CCM2: variants seen among roughly 807,000 people sequenced by gnomAD.
The protein encoded by CCM2 is cerebral cavernous malformations 2 protein.
Under a neutral mutation model 44.9 loss-of-function variants are expected in CCM2, and 25 were observed. The ratio of observed to expected loss-of-function variants is 0.56; its 90% CI spans 0.41 to 0.78. CCM2 has a LOEUF of 0.78. Ranked by LOEUF, CCM2 falls within the 30% of genes least tolerant of loss-of-function variation. CCM2 has a pLI of 0.00. For synonymous variants in CCM2, 219 were observed against 241.1 expected (o/e 0.91, Z 0.85); for missense variants, 481 against 580.6 (o/e 0.83, Z 1.76).
At chr7:45,036,104 G>A (rs1797205466) in intron 1 of CCM2, among the ~76,000 whole-genome samples, 1 of 152,140 alleles carries the variant, frequency 6.6e-6, no homozygotes, top group African/African-American at 2.4e-5. Flanking sequence ...CCTAGGACCT[G>A]AGGAACATCT....
chr7:45,051,557 C>T (rs1018029090), intron 2 of CCM2, among the ~76,000 whole-genome samples: 1 of 147,428 alleles, frequency 6.8e-6, no homozygotes, highest in African/African-American at 2.5e-5. Flanking sequence ...GTCACCACGC[C>T]TGGCTAATTT....
intron 1 of CCM2, among the ~76,000 whole-genome samples, chr7:45,021,769 A>G (rs997648147): frequency 1.1e-4 from 17 of 151,336 alleles, no homozygotes; most frequent in Non-Finnish European, 2.4e-4. Context: ...AGGGGAAGGG[A>G]TGAGAGAGGG....
Position 45,023,899 on chromosome 7 carries a change from C to T in CCM2, c.31-14354C>T, listed in dbSNP as rs573192975. ...AATCTTGGCTCACTGCAACCTCTGC[C>T]TCCCAGGTTCAAGTGATCCTCCTGC... On this transcript the variant is annotated intron_variant, in intron 1 of 9. Transcript: ENST00000258781. Among the ~76,000 whole-genome samples, 748 of 149,954 alleles carry T rather than the reference C, an allele frequency of 5.0e-3. 3 individuals carry two copies. Among genetic ancestry groups the T allele is most frequent in the Non-Finnish European group, 8.4e-3 (570 of 67,666 alleles).
At chr7:45,061,117 A>T in intron 2 of CCM2, among the ~76,000 whole-genome samples, 1 of 152,124 alleles carries the variant, frequency 6.6e-6, no homozygotes, top group East Asian at 1.9e-4. Context: ...TTCCTTCTTA[A>T]ATAGAGTCTG....
intron 6 of CCM2, chr7:45,071,984 A>G: frequency 2.6e-6 from 1 of 387,776 alleles, no homozygotes; most frequent in Non-Finnish European, 5.2e-6. Context: ...CTCCATACTT[A>G]CCTTGTTCCT....
intron 6 of CCM2, chr7:45,072,361 A>G: frequency 5.1e-6 from 2 of 393,678 alleles, no homozygotes; most frequent in South Asian, 4.4e-5. Context: ...AAGTGAAGAC[A>G]GGGGTGATAT....
intron 2 of CCM2, among the ~76,000 whole-genome samples, chr7:45,058,151 A>G (rs1798350859): frequency 6.6e-6 from 1 of 152,226 alleles, no homozygotes; most frequent in South Asian, 2.1e-4. Flanking sequence ...GTCAGCAAAG[A>G]CAGTTTCCCA....
chr7:45,076,318 A>G lies in CCM2; in HGVS notation c.*261A>G. ...CCCTGCAGTGTGTCCCCGCTCGGGGAGGGCCCGGCCGAGCGGGCAGGGAGA... is the reference window on the plus strand; with the variant it reads ...CCCTGCAGTGTGTCCCCGCTCGGGGGGGGCCCGGCCGAGCGGGCAGGGAGA... On this transcript the variant is annotated 3_prime_UTR_variant, in exon 10 of 10. Coordinates refer to ENST00000258781, the MANE Select transcript of CCM2 (RefSeq NM_031443.4). 2 of 654,374 alleles carry G rather than the reference A, an allele frequency of 3.1e-6. No homozygotes were observed. Among genetic ancestry groups the G allele is most frequent in the Non-Finnish European group, 5.6e-6 (2 of 356,402 alleles). 40.5% of individuals were successfully genotyped at this position (654,374 alleles called of 1,614,324 possible).
At chr7:45,047,157 C>T (rs1797796773) in intron 2 of CCM2, among the ~76,000 whole-genome samples, 1 of 152,206 alleles carries the variant, frequency 6.6e-6, no homozygotes, top group Non-Finnish European at 1.5e-5. Context: ...AGCAGTCTGG[C>T]AGTTTCTTCA....
At chr7:45,069,671 C>T (rs1241071309) in intron 5 of CCM2, among the ~76,000 whole-genome samples, 155 bp from the exon 6 acceptor site, 1 of 152,244 alleles carries the variant, frequency 6.6e-6, no homozygotes, top group Non-Finnish European at 1.5e-5. Context: ...TTTTGACACC[C>T]CTTTGGGTCA....
chr7:45,011,203 T>A (rs1233612131), intron 1 of CCM2, among the ~76,000 whole-genome samples: 1 of 151,890 alleles, frequency 6.6e-6, no homozygotes, highest in African/African-American at 2.4e-5. Context: ...AGCTAAATTT[T>A]TTTTTTTTTT....
intron 2 of CCM2, among the ~76,000 whole-genome samples, chr7:45,061,704 C>T (rs889073123): frequency 6.6e-6 from 1 of 152,130 alleles, no homozygotes; most frequent in Non-Finnish European, 1.5e-5. Context: ...AGGCTGGTCT[C>T]AAACTCCTGG....
rs116562543 is a variant in CCM2 at position 45,052,732 on chromosome 7, A to T, written c.205-11186A>T. ...TCATCTACCACAATTTATCCACCATAATTTCTATAGGAGCCAGACTGGGCA... is the reference window on the plus strand; with the variant it reads ...TCATCTACCACAATTTATCCACCATTATTTCTATAGGAGCCAGACTGGGCA... On this transcript the variant is annotated intron_variant, in intron 2 of 9. Coordinates refer to ENST00000258781, the MANE Select transcript of CCM2 (RefSeq NM_031443.4). Among the ~76,000 whole-genome samples the T allele has an allele frequency of 2.9e-3, 439 of 152,222 alleles. 4 individuals carry two copies. The highest frequency in any genetic ancestry group is 0.01 in the African/African-American group (427 of 41,518).
chr7:45,005,613 A>G (rs1334536594), intron 1 of CCM2, among the ~76,000 whole-genome samples: 2 of 152,256 alleles, frequency 1.3e-5, no homozygotes, highest in Non-Finnish European at 2.9e-5. Flanking sequence ...GAGCATTTAA[A>G]TCACCCTCTA....
chr7:45,024,331 T>C (rs2128720246), intron 1 of CCM2, among the ~76,000 whole-genome samples: 1 of 152,334 alleles, frequency 6.6e-6, no homozygotes, highest in Middle Eastern at 3.4e-3. Flanking sequence ...TCTCTGCATG[T>C]CCAGGCCAGC....
chr7:45,069,852 G>GCTAGGCCAGGTCTTC lies in CCM2; in HGVS notation c.638_652dup (p.Leu213_Phe217dup). 1 of 1,614,212 alleles carries GCTAGGCCAGGTCTTC rather than the reference G, an allele frequency of 6.2e-7. No homozygotes were observed. Among genetic ancestry groups the GCTAGGCCAGGTCTTC allele is most frequent in the Non-Finnish European group, 8.5e-7 (1 of 1,180,048 alleles). On this transcript the variant is annotated inframe_insertion, in exon 6 of 10. Coordinates refer to ENST00000258781, the MANE Select transcript of CCM2 (RefSeq NM_031443.4). ...TCGCTGCGGAGGAGCTTTGCTGTCTGCTAGGCCAGGTCTTCCAGGTTGTTT... is the reference window on the plus strand; with the variant it reads ...TCGCTGCGGAGGAGCTTTGCTGTCTGCTAGGCCAGGTCTTCCTAGGCCAGGTCTTCCAGGTTGTTT...
At chr7:45,031,148 C>T (rs902304839) in intron 1 of CCM2, among the ~76,000 whole-genome samples, 7 of 151,394 alleles carry the variant, frequency 4.6e-5, no homozygotes, top group African/African-American at 1.2e-4. Context: ...TTTGGGAGGC[C>T]GAGGTGGGTA....
chr7:45,015,577 C>G (rs1432099821), intron 1 of CCM2, among the ~76,000 whole-genome samples: 2 of 152,190 alleles, frequency 1.3e-5, no homozygotes, highest in Admixed American at 6.5e-5. Flanking sequence ...CTGTGCCTTG[C>G]TGAACACATT....
chr7:45,040,914 C>G (rs369488976), intron 2 of CCM2, among the ~76,000 whole-genome samples: 1 of 152,158 alleles, frequency 6.6e-6, no homozygotes, highest in Non-Finnish European at 1.5e-5. Context: ...AGCTTGAACC[C>G]GGGAGGCGGA....
Sources: gnomAD v4.1 joint callset for allele counts (sites outside exome capture counted in the v4.1 genomes callset) on GRCh38, gnomAD v4.1.1 for gene constraint, MANE v1.5 for transcripts, NCBI Gene and HGNC (gene_info 2026-07-23, HGNC 2026-07-21) for gene names.